The following RARB variants were observed in gnomAD, a reference collection of about 807,000 sequenced individuals.
RARB encodes the protein HBV-activated protein.
A neutral mutation model predicts 51.9 loss-of-function variants in RARB; 17 were observed. The ratio of observed to expected loss-of-function variants is 0.33; its 90% CI spans 0.22 to 0.49. RARB has a LOEUF of 0.49. Ranked by LOEUF, RARB falls within the 20% of genes least tolerant of loss-of-function variation. RARB has a pLI of 0.99. For missense variants in RARB, 369 were observed against 550.8 expected, an observed-to-expected ratio of 0.67 and a Z score of 3.30; for synonymous variants, 215 against 195.4, an observed-to-expected ratio of 1.10 and a Z score of -0.84.
intron 2 of RARB, among the ~76,000 whole-genome samples, chr3:24,995,526 G>A (rs1036539343): frequency 2.6e-5 from 4 of 151,942 alleles, no homozygotes; most frequent in African/African-American, 9.7e-5. Context: ...TGGTGAGAGT[G>A]GGCATTCTTA....
chr3:24,914,036 C>G (rs1412018287), intron 2 of RARB, among the ~76,000 whole-genome samples: 1 of 152,118 alleles, frequency 6.6e-6, no homozygotes, highest in Admixed American at 6.5e-5. Flanking sequence ...TGGGTATGGC[C>G]AAGATGGTGC....
chr3:25,098,945 A>G (rs1352663777), intron 3 of RARB, among the ~76,000 whole-genome samples: 2 of 152,312 alleles, frequency 1.3e-5, no homozygotes, highest in Non-Finnish European at 1.5e-5. Context: ...CCTCTAAGAT[A>G]TTTAAGATGC....
chr3:24,944,080 G>C lies in RARB; in HGVS notation c.-380+85328G>C, dbSNP rs183166112. 3.9e-4 allele frequency among the ~76,000 whole-genome samples: 60 copies of C among 152,266 alleles called. 1 individual carries two copies. Among genetic ancestry groups the C allele is most frequent in the African/African-American group, 1.4e-3 (59 of 41,568 alleles). ...GTGACCAAGGGGGGTTTGGGACCCT[G>C]AATCCTGTCATGATTGAAGTCTGAC... On this transcript the variant is annotated intron_variant, in intron 2 of 11. Coordinates refer to the RARB transcript ENST00000383772.
At chr3:25,221,495 C>T (rs1701947341) in intron 5 of RARB, among the ~76,000 whole-genome samples, 1 of 152,032 alleles carries the variant, frequency 6.6e-6, no homozygotes, top group African/African-American at 2.4e-5. Context: ...ATAAATAATC[C>T]TCCTTTGTCA....
intron 3 of RARB, among the ~76,000 whole-genome samples, chr3:25,568,653 C>T (rs1424921340): frequency 6.6e-6 from 1 of 152,202 alleles, no homozygotes; most frequent in Admixed American, 6.5e-5. Flanking sequence ...TCAAATCACC[C>T]GTGTGCTCTT....
intron 3 of RARB, among the ~76,000 whole-genome samples, chr3:25,503,607 T>C (rs956865460): frequency 6.6e-6 from 1 of 151,918 alleles, no homozygotes; most frequent in African/African-American, 2.4e-5. Flanking sequence ...AATATAGAAA[T>C]GGGAAGAAAA....
intron 5 of RARB, among the ~76,000 whole-genome samples, chr3:25,413,698 G>A (rs574273050): frequency 6.6e-6 from 1 of 152,008 alleles, no homozygotes; most frequent in African/African-American, 2.4e-5. Flanking sequence ...CATTTTGGTA[G>A]ATGTGTCGTG....
At chr3:24,978,404 G>A (rs1178069382) in intron 2 of RARB, among the ~76,000 whole-genome samples, 1 of 151,964 alleles carries the variant, frequency 6.6e-6, no homozygotes, top group Non-Finnish European at 1.5e-5. Flanking sequence ...TTGGTTGGTA[G>A]GCTATTAATT....
intron 5 of RARB, among the ~76,000 whole-genome samples, chr3:25,275,763 C>T (rs915143689): frequency 2.3e-5 from 3 of 131,162 alleles, no homozygotes; most frequent in East Asian, 2.5e-4. Context: ...CATCACACAC[C>T]GGGCTTGTCG....
intron 2 of RARB, among the ~76,000 whole-genome samples, chr3:25,009,238 G>A (rs763255700): frequency 3.3e-5 from 5 of 152,152 alleles, no homozygotes; most frequent in African/African-American, 4.8e-5. Flanking sequence ...ATGGGTGTGA[G>A]TGTGAAGGGT....
At chr3:24,864,081 T>A (rs1382234734) in intron 2 of RARB, among the ~76,000 whole-genome samples, 1 of 152,224 alleles carries the variant, frequency 6.6e-6, no homozygotes, top group Non-Finnish European at 1.5e-5. Flanking sequence ...TTTCACTAAC[T>A]TTTGCTCCTC....
At chr3:24,982,298 G>T (rs904372788) in intron 2 of RARB, among the ~76,000 whole-genome samples, 1 of 152,186 alleles carries the variant, frequency 6.6e-6, no homozygotes, top group Admixed American at 6.5e-5. Flanking sequence ...TCTCATGGTT[G>T]CTCCTTCCAG....
chr3:25,373,726 T>C (rs983524193), intron 5 of RARB, among the ~76,000 whole-genome samples: 2 of 152,150 alleles, frequency 1.3e-5, no homozygotes, highest in African/African-American at 4.8e-5. Flanking sequence ...TGGCGGGGAA[T>C]GGACCACAGA....
intron 2 of RARB, among the ~76,000 whole-genome samples, chr3:25,027,137 A>G (rs1330414637): frequency 6.6e-6 from 1 of 152,248 alleles, no homozygotes; most frequent in Non-Finnish European, 1.5e-5. Context: ...ATGGAAAAGA[A>G]TAACTTACTC....
At chr3:24,914,473 C>G (rs1483181771) in intron 2 of RARB, among the ~76,000 whole-genome samples, 2 of 152,246 alleles carry the variant, frequency 1.3e-5, no homozygotes, top group Non-Finnish European at 1.5e-5. Flanking sequence ...GATGGAACAT[C>G]TTCTGCCAAT....
At chr3:25,156,635 CAG>C in intron 4 of RARB, among the ~76,000 whole-genome samples, 1 of 149,086 alleles carries the variant, frequency 6.7e-6, no homozygotes, top group East Asian at 2.0e-4. Flanking sequence ...AAAATGTGCA[CAG>C]AGTCTAAATG....
intron 3 of RARB, among the ~76,000 whole-genome samples, chr3:25,540,366 G>A (rs923467097): frequency 6.8e-6 from 1 of 146,152 alleles, no homozygotes; most frequent in Non-Finnish European, 1.5e-5. Context: ...GTCTGGGCAG[G>A]CCCCAACTCT....
chr3:25,357,573 T>C (rs989830827), intron 5 of RARB, among the ~76,000 whole-genome samples: 1 of 152,254 alleles, frequency 6.6e-6, no homozygotes, highest in Non-Finnish European at 1.5e-5. Context: ...GTTTTAGTCA[T>C]GAAGTATTTG....
intron 1 of RARB, among the ~76,000 whole-genome samples, chr3:25,456,250 G>T (rs1694897302): frequency 6.6e-6 from 1 of 152,154 alleles, no homozygotes; most frequent in Non-Finnish European, 1.5e-5. Context: ...CAGATCAATG[G>T]CTGAGCACTC....
Sources: allele counts gnomAD v4.1 joint callset (sites outside exome capture counted in the v4.1 genomes callset), GRCh38; gene constraint gnomAD v4.1.1; transcripts MANE v1.5; gene names NCBI Gene and HGNC (gene_info 2026-07-23, HGNC 2026-07-21).